The following MARVELD2 variants were observed in gnomAD, a reference collection of about 807,000 sequenced individuals.
MARVELD2 encodes MARVEL domain-containing protein 2.
MARVELD2 carries 49 observed loss-of-function variants against 57.6 expected under a neutral mutation model. The observed-to-expected ratio is 0.85, with a 90% confidence interval of 0.68 to 1.08. The LOEUF (loss-of-function observed/expected upper bound fraction) is 1.08, where lower values mean the gene tolerates loss of function less well. Ranked by LOEUF, MARVELD2 falls within the 50% of genes least tolerant of loss-of-function variation. The pLI is 0.00. For missense variants in MARVELD2, 606 were observed against 701.1 expected, an observed-to-expected ratio of 0.86 and a Z score of 1.53; for synonymous variants, 238 against 258.8, an observed-to-expected ratio of 0.92 and a Z score of 0.77.
In MARVELD2 at chr5:69,419,862, T is replaced by G. The variant is rs1181194778; in HGVS notation, c.477T>G (p.Tyr159Ter). The change falls in exon 2 of 7, where the codon TAT becomes TAG. Residue 159 changes from tyrosine (Y) to a stop codon, truncating the protein, a stop_gained. Coordinates refer to ENST00000325631, the MANE Select transcript of MARVELD2 (RefSeq NM_001038603.3). LOFTEE classifies it high-confidence loss of function. The part of the protein sequence containing the change: ...EADAVFPRDP[Y>*]GSLDRHTQTV... The stretch of plus-strand genomic sequence containing the variant: ...ACGCAGTGTTTCCCCGGGATCCCTA[T>G]GGATCTCTAGACCGACACACACAAA... The G allele has an allele frequency of 2.5e-6, 4 of 1,614,034 alleles. No homozygotes were observed. The African/African-American group carries it at 4.0e-5, about 16-fold the overall frequency.
In MARVELD2 at chr5:69,420,229, A is replaced by G. The variant is rs1360157156; in HGVS notation, c.844A>G (p.Ile282Val). The change falls in exon 2 of 7, where the codon ATT becomes GTT. Residue 282 changes from isoleucine (I) to valine (V), a missense_variant. Transcript: ENST00000325631. ...VLGMSMYYRT[I>V]LLDSNWWPLT... ...TGGCATGTCCATGTATTACCGGACC[A>G]TTCTTCTGGACTCTAATTGGTGGCC... The G allele has an allele frequency of 6.2e-7, 1 of 1,614,186 alleles. No individual in the cohort carries two copies. The highest frequency in any genetic ancestry group is 1.1e-5 in the South Asian group (1 of 91,088).
chr5:69,425,324 G>A (rs1387598984), intron 3 of MARVELD2, among the ~76,000 whole-genome samples: 2 of 150,266 alleles, frequency 1.3e-5, no homozygotes, highest in African/African-American at 2.4e-5. Context: ...CAGCGCACCA[G>A]CATGGCACAT....
At chr5:69,429,708 G>A (rs189822468) in intron 3 of MARVELD2, among the ~76,000 whole-genome samples, 2 of 152,108 alleles carry the variant, frequency 1.3e-5, no homozygotes, top group African/African-American at 4.8e-5. Context: ...GTCAGGCACC[G>A]TGGCTCACAC....
chr5:69,441,120 G>A (rs1016719698), intron 6 of MARVELD2, among the ~76,000 whole-genome samples: 5 of 151,914 alleles, frequency 3.3e-5, no homozygotes, highest in African/African-American at 4.8e-5. Flanking sequence ...TGGAGAGACC[G>A]TTTATTAGTA....
At chr5:69,423,533 A>G (rs1354246024) in intron 2 of MARVELD2, among the ~76,000 whole-genome samples, 1 of 152,208 alleles carries the variant, frequency 6.6e-6, no homozygotes, top group Non-Finnish European at 1.5e-5. Context: ...TGTTGGGATT[A>G]TAAGTATAAG....
In MARVELD2 at chr5:69,419,840, C is replaced by T. The variant is rs758149763; in HGVS notation, c.455C>T (p.Ala152Val). 6.2e-7 allele frequency: 1 copy of T among 1,614,068 alleles called. No individual in the cohort carries two copies. Among genetic ancestry groups the T allele is most frequent in the African/African-American group, 1.3e-5 (1 of 74,920 alleles). Residue 152 changes from alanine (A) to valine (V), a missense_variant, in exon 2 of 7, where the codon GCA becomes GTA. Physicochemically the swap from Ala to Val is moderately conservative, Grantham distance 64. Coordinates refer to ENST00000325631, the MANE Select transcript of MARVELD2 (RefSeq NM_001038603.3). ...TTTAGTTCCCGGAAAGAGGCTGACG[C>T]AGTGTTTCCCCGGGATCCCTATGGA... is the stretch of plus-strand genomic sequence containing the variant. ...GTFSSRKEADAVFPRDPYGSL... is the reference protein window; with the variant it reads ...GTFSSRKEADVVFPRDPYGSL...
rs528291755 is a variant in MARVELD2 at position 69,420,647 on chromosome 5, T to G, written c.1146+116T>G. The G allele has an allele frequency of 1.5e-3, 1,534 of 1,037,580 alleles. 4 individuals are homozygous for G. Among genetic ancestry groups the G allele is most frequent in the Non-Finnish European group, 1.8e-3 (1,295 of 716,158 alleles). The allele number at this position is 1,037,580 out of a possible 1,614,324, so 64.3% of individuals were successfully genotyped here. On this transcript the variant is annotated intron_variant, in intron 2 of 6. Transcript: ENST00000325631. ...AGAAAGCTTTCATAGAAATCTTTTC[T>G]TTCTTCCTTTTTTTTTTTTTCAATG...
rs1265354551 is a variant in MARVELD2, at chr5:69,420,054, C to T, written c.669C>T (p.Asn223=). Residue 223 remains asparagine, a synonymous_variant, in exon 2 of 7, where the codon AAC becomes AAT. Transcript: ENST00000325631. Reference sequence around the variant, plus strand: ...TTCACAAGGACAGTGAGTGGTACAACTTGTTTGGATATTCACAACCGTATG... The same window carrying T: ...TTCACAAGGACAGTGAGTGGTACAATTTGTTTGGATATTCACAACCGTATG... ...AYIHKDSEWY[N]LFGYSQPYGM... is the part of the protein sequence containing the mutation. 1.9e-6 allele frequency: 3 copies of T among 1,614,038 alleles called. No individual in the cohort carries two copies. The highest frequency in any genetic ancestry group is 4.5e-5 in the East Asian group (2 of 44,898).
At position 69,441,936 on chromosome 5, in the gene MARVELD2, T is replaced by A; in HGVS notation, c.*282T>A. 1 of 246,778 alleles carries A rather than the reference T, an allele frequency of 4.1e-6. No homozygotes were observed. Among genetic ancestry groups the A allele is most frequent in the Non-Finnish European group, 7.9e-6 (1 of 125,942 alleles). The allele number at this position is 246,778 out of a possible 1,614,324, so 15.3% of individuals were successfully genotyped here. On this transcript the variant is annotated 3_prime_UTR_variant, in exon 7 of 7. Transcript: ENST00000325631. ...TACTTTTTTTAAAAAATAGCAAGTTTACTATTTATTTACTGCCTTTTTAAT... is the reference window on the plus strand; with the variant it reads ...TACTTTTTTTAAAAAATAGCAAGTTAACTATTTATTTACTGCCTTTTTAAT...
In MARVELD2 at chr5:69,419,549, C is replaced by A; in HGVS notation, c.164C>A (p.Pro55Gln). ...CCACCACCCCCTCTCCCATTACAGC[C>A]ACCATTCGGCCCAGACTTCTACTCA... The part of the protein sequence containing the change: ...PLPPPPLPLQ[P>Q]PFGPDFYSSD... Residue 55 changes from proline (P) to glutamine (Q), a missense_variant, in exon 2 of 7, where the codon CCA becomes CAA. Transcript: ENST00000325631. 6.2e-7 allele frequency: 1 copy of A among 1,614,152 alleles called. No individual in the cohort carries two copies. The highest frequency in any genetic ancestry group is 1.1e-5 in the South Asian group (1 of 91,070).
At chr5:69,429,876 A>G (rs1766906319) in intron 3 of MARVELD2, among the ~76,000 whole-genome samples, 1 of 144,044 alleles carries the variant, frequency 6.9e-6, no homozygotes, top group Non-Finnish European at 1.5e-5. Context: ...GTATCAATAA[A>G]CCAAATAGTT....
rs1766535463 is a variant in MARVELD2, at chr5:69,419,530, C to A, written c.145C>A (p.Pro49Thr). ...RAVSADPLPP[P>T]PLPLQPPFGP... ...AGTGAGCGCTGATCCCTTGCCACCA[C>A]CCCCTCTCCCATTACAGCCACCATT... is the stretch of plus-strand genomic sequence containing the variant. The change falls in exon 2 of 7, where the codon CCC (proline) becomes ACC (threonine). Residue 49 changes from proline (P) to threonine (T), a missense_variant. Coordinates refer to ENST00000325631, the MANE Select transcript of MARVELD2 (RefSeq NM_001038603.3). 1 of 1,614,084 alleles carries A rather than the reference C, an allele frequency of 6.2e-7. No homozygotes were observed. The highest frequency in any genetic ancestry group is 8.5e-7 in the Non-Finnish European group (1 of 1,180,050).
Position 69,440,549 on chromosome 5 carries a change from GT to G in MARVELD2, c.1554+50del, listed in dbSNP as rs778067953. 67 of 1,070,556 alleles carry G rather than the reference GT, an allele frequency of 6.3e-5. No homozygotes were observed. In the African/African-American group the frequency reaches 9.9e-4, roughly 16 times the overall value. 66.3% of individuals were successfully genotyped at this position (1,070,556 alleles called of 1,614,324 possible). Reference sequence around the variant, plus strand: ...ACTGTATTCTTATCCAAGTACATATGTGATAATTTACAGACTCTAGATTCTG... The same window carrying G: ...ACTGTATTCTTATCCAAGTACATATGGATAATTTACAGACTCTAGATTCTG... On this transcript the variant is annotated intron_variant, in intron 6 of 6. Transcript: ENST00000325631.
chr5:69,439,285 T>C (rs62371717), intron 5 of MARVELD2, among the ~76,000 whole-genome samples: 75,227 of 151,164 alleles, frequency 0.5, 18,747 homozygotes, highest in South Asian at 0.54. Flanking sequence ...CTCAAACTCC[T>C]AAGTAGCTGA....
intron 2 of MARVELD2, 116 bp downstream of exon 2, chr5:69,420,647 T>A: frequency 9.6e-7 from 1 of 1,037,598 alleles, no homozygotes; most frequent in Admixed American, 2.5e-5. Context: ...AAATCTTTTC[T>A]TTCTTCCTTT....
chr5:69,433,210 T>C, intron 5 of MARVELD2, 117 bp downstream of exon 5: 1 of 1,014,466 alleles, frequency 9.9e-7, no homozygotes, highest in Non-Finnish European at 1.4e-6. Context: ...GTTGCCAGGC[T>C]GGAGTGCAGT....
intron 3 of MARVELD2, among the ~76,000 whole-genome samples, chr5:69,428,876 A>G (rs989707375): frequency 6.6e-6 from 1 of 152,216 alleles, no homozygotes; most frequent in African/African-American, 2.4e-5. Context: ...ACAGAAGTTA[A>G]AGAGAAATAG....
At chr5:69,440,055 T>C (rs72647237) in intron 5 of MARVELD2, among the ~76,000 whole-genome samples, 8,889 of 152,294 alleles carry the variant, frequency 0.058, 383 homozygotes, top group South Asian at 0.15. Context: ...TCATAGCTAA[T>C]GTGGTTATTA....
chr5:69,441,030 G>A (rs1347150048), intron 6 of MARVELD2, among the ~76,000 whole-genome samples: 2 of 152,034 alleles, frequency 1.3e-5, no homozygotes, highest in Non-Finnish European at 2.9e-5. Flanking sequence ...GTTGCACTGG[G>A]AGACAGTACG....
Sources: gnomAD v4.1 joint callset for allele counts (sites outside exome capture counted in the v4.1 genomes callset) on GRCh38, gnomAD v4.1.1 for gene constraint, MANE v1.5 for transcripts, NCBI Gene and HGNC (gene_info 2026-07-23, HGNC 2026-07-21) for gene names.